The following IPO8 variants were observed in gnomAD, a reference collection of about 807,000 sequenced individuals.
The protein encoded by IPO8 is importin-8.
In IPO8, 65 loss-of-function variants were observed where a neutral mutation model predicts 141.2. The observed-to-expected ratio is 0.46, with a 90% CI of 0.38 to 0.57. The LOEUF is 0.57. Ranked by LOEUF, IPO8 falls within the 20% of genes least tolerant of loss-of-function variation. The pLI, the probability that IPO8 is intolerant of heterozygous loss-of-function variation, is 0.00. For synonymous variants in IPO8, 411 were observed against 420.3 expected (o/e 0.98, Z 0.27); for missense variants, 980 against 1,246.8 (o/e 0.79, Z 3.22).
chr12:30,651,150 T>C (rs2052721610), intron 19 of IPO8, among the ~76,000 whole-genome samples: 1 of 152,106 alleles, frequency 6.6e-6, no homozygotes, highest in African/African-American at 2.4e-5. Context: ...GTTTTACTTG[T>C]TTCTTTCCCT....
At chr12:30,676,682 C>A in intron 5 of IPO8, 95 bp from the exon 6 acceptor site, 1 of 891,754 alleles carries the variant, frequency 1.1e-6, no homozygotes, top group Non-Finnish European at 1.8e-6. Flanking sequence ...TATGAAAGGG[C>A]TAACATTTGA....
rs2052960549 is a variant in IPO8 at position 30,666,069 on chromosome 12, T to C, written c.1221+106A>G. 8 of 805,922 alleles carry C rather than the reference T, an allele frequency of 9.9e-6. No individual in the cohort carries two copies. In the South Asian group the frequency reaches 1.2e-4, roughly 13 times the overall value. 49.9% of individuals were successfully genotyped at this position (805,922 alleles called of 1,614,324 possible). A position where few individuals can be genotyped will look rare whatever the true frequency, so the allele number is the denominator to read the frequency against. On this transcript the variant is annotated intron_variant, in intron 11 of 24. Transcript: ENST00000256079. ...AAAAAAAAATCCTTAAGGTGACAAATTATAACGAATAACAACATAATTTCT... is the reference window on the plus strand; with the variant it reads ...AAAAAAAAATCCTTAAGGTGACAAACTATAACGAATAACAACATAATTTCT...
intron 14 of IPO8, among the ~76,000 whole-genome samples, chr12:30,663,138 T>C (rs1457633916): frequency 1.3e-5 from 2 of 152,134 alleles, no homozygotes; most frequent in Non-Finnish European, 2.9e-5. Flanking sequence ...AGTCATTCAG[T>C]CCAACTCCCC....
intron 16 of IPO8, among the ~76,000 whole-genome samples, chr12:30,658,030 T>A (rs112790129): frequency 5.4e-4 from 82 of 152,322 alleles, no homozygotes; most frequent in African/African-American, 2.0e-3. Flanking sequence ...TATGTTGGTA[T>A]CAAATATTTT....
intron 14 of IPO8, 161 bp from the exon 15 acceptor site, chr12:30,662,648 T>A: frequency 1.5e-6 from 1 of 656,752 alleles, no homozygotes; most frequent in Non-Finnish European, 2.7e-6. Context: ...CTAAATAATG[T>A]TCACCAATAT....
chr12:30,691,439 T>A (rs1333816876), intron 1 of IPO8, among the ~76,000 whole-genome samples: 1 of 152,104 alleles, frequency 6.6e-6, no homozygotes, highest in African/African-American at 2.4e-5. Context: ...ACAGGTGTGC[T>A]CTACTATGAT....
At chr12:30,677,755 T>C (rs1299855917) in intron 5 of IPO8, among the ~76,000 whole-genome samples, 1 of 152,090 alleles carries the variant, frequency 6.6e-6, no homozygotes, top group Non-Finnish European at 1.5e-5. Flanking sequence ...TTTTAAAATA[T>C]GGATATAAAG....
intron 2 of IPO8, chr12:30,688,388 C>A (rs1394809786): frequency 2.3e-6 from 1 of 433,928 alleles, no homozygotes; most frequent in Non-Finnish European, 4.6e-6. Context: ...GTAGCAAGAA[C>A]ACTTTAGATT....
chr12:30,639,626 T>C lies in IPO8; in HGVS notation c.2378A>G (p.Asn793Ser), dbSNP rs771358885. The change falls in exon 21 of 25, where the codon AAC (asparagine) becomes AGC (serine). Residue 793 changes from asparagine to serine, a missense_variant. Asn to Ser is a conservative substitution (Grantham distance 46). Transcript: ENST00000256079. The part of the protein sequence containing the change: ...LQVAIAALYY[N>S]PDLLLHTLER... ...TAAAGTATGTAGCAGCAAATCAGGG[T>C]TGTAGTACAAGGCAGCAATTGCAAC... is the stretch of plus-strand genomic sequence containing the variant. 6.2e-7 allele frequency: 1 copy of C among 1,613,900 alleles called. No homozygotes were observed. Among genetic ancestry groups the C allele is most frequent in the Non-Finnish European group, 8.5e-7 (1 of 1,179,966 alleles).
chr12:30,688,439 T>G, intron 2 of IPO8: 1 of 440,820 alleles, frequency 2.3e-6, no homozygotes, highest in Non-Finnish European at 4.5e-6. Flanking sequence ...CAGATGTATT[T>G]CCACTTAACA....
At chr12:30,670,914 C>T (rs755597617) in intron 9 of IPO8, 48 bp downstream of exon 9, 5 of 1,533,960 alleles carry the variant, frequency 3.3e-6, no homozygotes, top group African/African-American at 2.8e-5. Flanking sequence ...TCTAGAAAAC[C>T]TAATTTAACC....
At chr12:30,664,102 G>T (rs974717085) in intron 13 of IPO8, among the ~76,000 whole-genome samples, 2 of 152,024 alleles carry the variant, frequency 1.3e-5, no homozygotes, top group African/African-American at 4.8e-5. Context: ...ACCTGGTATA[G>T]ATGATCACAT....
chr12:30,684,382 G>A lies in IPO8; in HGVS notation c.242C>T (p.Pro81Leu), dbSNP rs778082819. Reference sequence around the variant, plus strand: ...GCGATCGTTTTCGTGAATGTTGAATGGAAATATTGCTTCTCCTGGTGGAGG... The same window carrying A: ...GCGATCGTTTTCGTGAATGTTGAATAGAAATATTGCTTCTCCTGGTGGAGG... The part of the protein sequence containing the change: ...REPPPGEAIF[P>L]FNIHENDRQQ... The change falls in exon 3 of 25, where the codon CCA becomes CTA. Residue 81 changes from proline to leucine, a missense_variant. Physicochemically the swap from Pro to Leu is moderately conservative, Grantham distance 98. This residue lies in a region of IPO8 where 924 missense variants were observed against 1,153.9 expected (regional missense o/e 0.80). Transcript: ENST00000256079. 6 of 1,614,086 alleles carry A rather than the reference G, an allele frequency of 3.7e-6. No individual in the cohort carries two copies. The highest frequency in any genetic ancestry group is 5.1e-6 in the Non-Finnish European group (6 of 1,179,952).
intron 4 of IPO8, 95 bp downstream of exon 4, chr12:30,681,564 C>A (rs1405120418): frequency 4.5e-6 from 5 of 1,117,662 alleles, no homozygotes; most frequent in East Asian, 5.0e-5. Flanking sequence ...AATCTGATAA[C>A]CTGTGCAGAA....
intron 2 of IPO8, among the ~76,000 whole-genome samples, chr12:30,689,341 T>G (rs1037063359): frequency 1.3e-5 from 2 of 152,170 alleles, no homozygotes; most frequent in Non-Finnish European, 2.9e-5. Context: ...CACTTAGGTT[T>G]TTAAAATAGG....
chr12:30,674,748 A>T lies in IPO8; in HGVS notation c.735T>A (p.Thr245=), dbSNP rs1354345771. The T allele has an allele frequency of 6.2e-7, 1 of 1,610,726 alleles. No homozygotes were observed. Among genetic ancestry groups the T allele is most frequent in the Admixed American group, 1.7e-5 (1 of 60,006 alleles). The change falls in exon 7 of 25, where the codon ACT becomes ACA. Residue 245 remains threonine, a synonymous_variant. Transcript: ENST00000256079. Reference sequence around the variant, plus strand: ...GTCTATCATCCTCATCAATGTGCAGAGTCTCCTAACAGGACAAAATTACCC... The same window carrying T: ...GTCTATCATCCTCATCAATGTGCAGTGTCTCCTAACAGGACAAAATTACCC... The part of the protein sequence containing the change: ...TIIDRTVPPE[T]LHIDEDDRPE...
At chr12:30,691,544 G>A (rs770001485) in intron 1 of IPO8, among the ~76,000 whole-genome samples, 4 of 152,116 alleles carry the variant, frequency 2.6e-5, no homozygotes, top group Admixed American at 6.5e-5. Context: ...ACAGTACCTG[G>A]ACTATATTAC....
intron 5 of IPO8, among the ~76,000 whole-genome samples, chr12:30,679,352 T>C (rs534742361): frequency 6.6e-6 from 1 of 152,314 alleles, no homozygotes; most frequent in Admixed American, 6.5e-5. Flanking sequence ...AATATGAAGA[T>C]TCTGTCGTCT....
chr12:30,633,996 A>G (rs1690928487), intron 23 of IPO8, 87 bp downstream of exon 23: 2 of 1,242,446 alleles, frequency 1.6e-6, no homozygotes, highest in Admixed American at 2.3e-5. Flanking sequence ...AACCTAGACC[A>G]ATCTTGGGCA....
Sources: gnomAD v4.1 joint callset for allele counts (sites outside exome capture counted in the v4.1 genomes callset) on GRCh38, gnomAD v4.1.1 for gene constraint, gnomAD v4.1.1 regional missense constraint, MANE v1.5 for transcripts, NCBI Gene and HGNC (gene_info 2026-07-23, HGNC 2026-07-21) for gene names.